Variants in ADGRF1 observed in about 807,000 individuals in gnomAD.
ADGRF1 encodes the protein adhesion G protein-coupled receptor F1, also known as G protein-coupled receptor 110.
In ADGRF1, 85 loss-of-function variants were observed where a neutral mutation model predicts 87.2. The observed-to-expected ratio is 0.97, with a 90% confidence interval of 0.82 to 1.17. ADGRF1 has a LOEUF of 1.17. Among genes scored for constraint, ADGRF1 ranks in the 50% most tolerant of loss-of-function variants. The probability of loss-of-function intolerance (pLI) is 0.00; values close to 1 mark genes in which losing one functional copy is unlikely to be tolerated. For missense variants in ADGRF1, 1,169 were observed against 1,077.2 expected, an observed-to-expected ratio of 1.09 and a Z score of -1.19; for synonymous variants, 430 against 408.8, an observed-to-expected ratio of 1.05 and a Z score of -0.63.
At chr6:47,021,088 G>A (rs1269791875) in intron 6 of ADGRF1, among the ~76,000 whole-genome samples, 1 of 152,150 alleles carries the variant, frequency 6.6e-6, no homozygotes, top group Non-Finnish European at 1.5e-5. Flanking sequence ...CCAGATCGTA[G>A]AATAAATTTA....
At chr6:47,008,687 C>T (rs923475169) in intron 11 of ADGRF1, among the ~76,000 whole-genome samples, 4 of 152,140 alleles carry the variant, frequency 2.6e-5, no homozygotes, top group African/African-American at 7.2e-5. Flanking sequence ...CAGCAGCAAG[C>T]GAGATTATTT....
chr6:47,010,187 A>T lies in ADGRF1; in HGVS notation c.1248T>A (p.Pro416=). Residue 416 remains proline, a synonymous_variant, in exon 11 of 15, where the codon CCT becomes CCA. Coordinates refer to ENST00000371253, the MANE Select transcript of ADGRF1 (RefSeq NM_153840.4). ...AAAAATTCAGAGGAAGAGCTGTCGG[A>T]GGCACCAGAGTGCTGATGTTTTCTA... The part of the protein sequence containing the change: ...ETLENISTLV[P]PTALPLNFSR... The T allele has an allele frequency of 6.2e-7, 1 of 1,614,136 alleles. No homozygotes were observed. The highest frequency in any genetic ancestry group is 8.5e-7 in the Non-Finnish European group (1 of 1,180,018).
At chr6:47,016,530 G>A (rs1033350020) in intron 8 of ADGRF1, 87 bp downstream of exon 8, 110 of 1,363,412 alleles carry the variant, frequency 8.1e-5, no homozygotes, top group Non-Finnish European at 1.0e-4. Context: ...TTATTCAAAC[G>A]TCTCAAATCT....
Position 47,010,109 on chromosome 6 carries a change from T to C in ADGRF1, c.1326A>G (p.Lys442=). ...TTTTAATCTGATAGCTGTAACCCCT[T>C]TTGAGTTGGCTTTTGTTCACTGGAA... ...KGIPVNKSQL[K]RGYSYQIKMC... is the part of the protein sequence containing the mutation. The change falls in exon 11 of 15, where the codon AAA becomes AAG. Residue 442 remains lysine (K), a synonymous_variant. Transcript: ENST00000371253. 1 of 1,614,136 alleles carries C rather than the reference T, an allele frequency of 6.2e-7. No homozygotes were observed.
In ADGRF1 at chr6:47,020,780, C is replaced by A. The variant is rs1270809322; in HGVS notation, c.562G>T (p.Ala188Ser). The A allele has an allele frequency of 1.2e-6, 2 of 1,613,306 alleles. No homozygotes were observed. The highest frequency in any genetic ancestry group is 1.7e-6 in the Non-Finnish European group (2 of 1,179,470). Residue 188 changes from alanine to serine, a missense_variant, in exon 7 of 15, where the codon GCA becomes TCA. By Grantham distance (99) the Ala-to-Ser change is moderately conservative. Transcript: ENST00000371253. ...ANGIEIQLKK[A>S]YERIQGFESV... The stretch of plus-strand genomic sequence containing the variant: ...TCAAAACCTTGAATTCTTTCATATG[C>A]TTTTTTAAGCTTAGAAAGAGAACAA...
At chr6:47,031,316 GTCTCTCTCTCTCTCTTCTCTCTCTC>G (rs1780417024) in intron 1 of ADGRF1, among the ~76,000 whole-genome samples, 1 of 94,228 alleles carries the variant, frequency 1.1e-5, no homozygotes, top group Non-Finnish European at 2.3e-5. Context: ...CTGTCTCTCT[GTCTCTCTCTCTCTCTTCTCTCTCTC>G]TCTCTCTCTG....
chr6:47,020,926 A>G lies in ADGRF1; in HGVS notation c.553-137T>C, dbSNP rs971399179. On this transcript the variant is annotated intron_variant, in intron 6 of 14. Coordinates refer to ENST00000371253, the MANE Select transcript of ADGRF1 (RefSeq NM_153840.4). Reference sequence around the variant, plus strand: ...AAGAAAAGAGACACAGTGGGAAGTAATTGCATGTCATACAAATACAGTTAA... The same window carrying G: ...AAGAAAAGAGACACAGTGGGAAGTAGTTGCATGTCATACAAATACAGTTAA... 1.2e-5 allele frequency: 8 copies of G among 671,172 alleles called. No individual in the cohort carries two copies. In the African/African-American group the frequency reaches 1.3e-4, roughly 11 times the overall value. 41.6% of individuals were successfully genotyped at this position (671,172 alleles called of 1,614,324 possible). A position where few individuals can be genotyped will look rare whatever the true frequency, so the allele number is the denominator to read the frequency against.
In ADGRF1 at chr6:47,003,724, C is replaced by T. The variant is rs138771933; in HGVS notation, c.2592+2093G>A. ...TTCCAGACTGAACCAAGATATACCT[C>T]GCATGTACTGACTGATGTTTATGTC... On this transcript the variant is annotated intron_variant, in intron 13 of 14. Transcript: ENST00000371253. 5.7e-3 allele frequency among the ~76,000 whole-genome samples: 868 copies of T among 152,264 alleles called. 9 individuals carry two copies. The highest frequency in any genetic ancestry group is 0.02 in the African/African-American group (840 of 41,562).
intron 13 of ADGRF1, among the ~76,000 whole-genome samples, chr6:47,005,398 G>C (rs950514049): frequency 6.6e-6 from 1 of 152,076 alleles, no homozygotes; most frequent in Non-Finnish European, 1.5e-5. Flanking sequence ...CAAATTTAAA[G>C]ACAAGAATTT....
At chr6:47,020,473 C>T (rs1487296175) in intron 7 of ADGRF1, 5 of 1,425,178 alleles carry the variant, frequency 3.5e-6, no homozygotes, top group Non-Finnish European at 3.8e-6. Context: ...CATTGCACTC[C>T]AACTTGGGCG....
At chr6:47,037,649 C>T (rs775470726) in intron 1 of ADGRF1, among the ~76,000 whole-genome samples, 1 of 152,022 alleles carries the variant, frequency 6.6e-6, no homozygotes, top group South Asian at 2.1e-4. Context: ...GGACTATAGG[C>T]ACACACCACC....
intron 7 of ADGRF1, chr6:47,018,834 C>G (rs577934767): frequency 3.8e-6 from 1 of 266,572 alleles, no homozygotes; most frequent in Admixed American, 5.0e-5. Flanking sequence ...TGTCTCATGC[C>G]TGTAATGCCA....
At chr6:47,020,105 A>G (rs1780001019) in intron 7 of ADGRF1, 14 of 1,026,154 alleles carry the variant, frequency 1.4e-5, no homozygotes, top group Non-Finnish European at 1.4e-5. Flanking sequence ...ATCCACTGTC[A>G]CCATGATCTC....
At chr6:47,030,410 T>G (rs1306049843) in intron 1 of ADGRF1, among the ~76,000 whole-genome samples, 2 of 152,180 alleles carry the variant, frequency 1.3e-5, no homozygotes, top group Non-Finnish European at 1.5e-5. Context: ...GGCTCTAGAT[T>G]ATTCTTCAGG....
At chr6:47,026,724 C>T (rs546993690) in intron 3 of ADGRF1, among the ~76,000 whole-genome samples, 20 of 152,254 alleles carry the variant, frequency 1.3e-4, no homozygotes, top group Admixed American at 1.0e-3. Flanking sequence ...CAAGGTCCCC[C>T]GAAGCTCACC....
intron 3 of ADGRF1, 150 bp from the exon 4 acceptor site, chr6:47,026,153 C>A (rs1780227601): frequency 1.6e-6 from 1 of 622,568 alleles, no homozygotes; most frequent in Non-Finnish European, 2.7e-6. Context: ...CATGGACTAA[C>A]AATGAACACT....
intron 1 of ADGRF1, among the ~76,000 whole-genome samples, chr6:47,029,909 C>G (rs910085312): frequency 3.7e-4 from 56 of 152,344 alleles, no homozygotes; most frequent in African/African-American, 1.3e-3. Context: ...AAGTTTTACT[C>G]CACAGCATTG....
intron 2 of ADGRF1, 121 bp from the exon 3 acceptor site, chr6:47,027,882 A>C (rs1780288999): frequency 4.2e-6 from 3 of 706,894 alleles, no homozygotes; most frequent in Non-Finnish European, 7.4e-6. Context: ...GGGATGGTGG[A>C]GAGGCGGCCA....
chr6:47,030,034 C>T (rs1380859536), intron 1 of ADGRF1, among the ~76,000 whole-genome samples: 2 of 152,190 alleles, frequency 1.3e-5, no homozygotes, highest in Non-Finnish European at 2.9e-5. Context: ...GAATAAGTGT[C>T]CTTGCTTAGC....
Sources: allele counts gnomAD v4.1 joint callset (sites outside exome capture counted in the v4.1 genomes callset), GRCh38; gene constraint gnomAD v4.1.1; transcripts MANE v1.5; gene names NCBI Gene and HGNC (gene_info 2026-07-23, HGNC 2026-07-21).